Variants in ZZZ3 observed in about 807,000 individuals in gnomAD.
The protein encoded by ZZZ3 is ZZ-type zinc finger-containing protein 3.
ZZZ3 carries 22 observed loss-of-function variants against 95.2 expected under a neutral mutation model. The ratio of observed to expected loss-of-function variants is 0.23; its 90% CI spans 0.17 to 0.33. The LOEUF (loss-of-function observed/expected upper bound fraction) is 0.33. Among genes scored for constraint, ZZZ3 ranks in the 10% least tolerant of loss-of-function variants. The probability of loss-of-function intolerance (pLI) is 1.00; values close to 1 mark genes in which losing one functional copy is unlikely to be tolerated. For missense variants in ZZZ3, 885 were observed against 1,066.5 expected, an observed-to-expected ratio of 0.83 and a Z score of 2.37; for synonymous variants, 335 against 358.9, an observed-to-expected ratio of 0.93 and a Z score of 0.75.
Position 77,573,182 on chromosome 1 carries a change from C to T in ZZZ3, c.2331+2886G>A, listed in dbSNP as rs529559287. 4.5e-4 allele frequency among the ~76,000 whole-genome samples: 69 copies of T among 152,262 alleles called. 2 individuals are homozygous for T. In the South Asian group the frequency reaches 0.013, roughly 29 times the overall value. The stretch of plus-strand genomic sequence containing the variant: ...TTGCCCAGGCTGGAGTGCAGTGGTG[C>T]AATCCCAGCTCCTGGCAACCTCTGC... On this transcript the variant is annotated intron_variant, in intron 12 of 14. Coordinates refer to ENST00000370801, the MANE Select transcript of ZZZ3 (RefSeq NM_015534.6).
At chr1:77,646,199 ATTAGTC>A (rs1305547207) in intron 1 of ZZZ3, among the ~76,000 whole-genome samples, 1 of 151,880 alleles carries the variant, frequency 6.6e-6, no homozygotes, top group Non-Finnish European at 1.5e-5. Flanking sequence ...ATGCCTTCTA[ATTAGTC>A]TAAGTTTTTT....
intron 3 of ZZZ3, among the ~76,000 whole-genome samples, chr1:77,640,110 G>A (rs1386845718): frequency 6.6e-6 from 1 of 151,974 alleles, no homozygotes; most frequent in African/African-American, 2.4e-5. Context: ...GCTTATTCAA[G>A]TGCTACAAAA....
chr1:77,600,596 C>T (rs1264234867), intron 5 of ZZZ3, among the ~76,000 whole-genome samples: 1 of 152,050 alleles, frequency 6.6e-6, no homozygotes, highest in Non-Finnish European at 1.5e-5. Context: ...AGAAGTTCAA[C>T]AGAGACCAGG....
chr1:77,637,675 T>A (rs953632024), intron 4 of ZZZ3, among the ~76,000 whole-genome samples: 4 of 152,024 alleles, frequency 2.6e-5, no homozygotes, highest in African/African-American at 9.7e-5. Flanking sequence ...AAATAAAAAA[T>A]AAAAAGTCTG....
chr1:77,646,554 G>C (rs1669295506), intron 1 of ZZZ3, among the ~76,000 whole-genome samples: 1 of 152,038 alleles, frequency 6.6e-6, no homozygotes, highest in Admixed American at 6.6e-5. Flanking sequence ...CTTTAAAAAT[G>C]CATGCTCTAC....
chr1:77,635,253 T>A (rs1668191514), intron 4 of ZZZ3, among the ~76,000 whole-genome samples: 1 of 152,220 alleles, frequency 6.6e-6, no homozygotes, highest in South Asian at 2.1e-4. Flanking sequence ...TTTAGTGTTG[T>A]CTCAAAGTAT....
At chr1:77,598,273 C>T (rs901001427) in intron 5 of ZZZ3, among the ~76,000 whole-genome samples, 1 of 151,968 alleles carries the variant, frequency 6.6e-6, no homozygotes, top group African/African-American at 2.4e-5. Flanking sequence ...ATATGTTATT[C>T]AGAAAATCAT....
chr1:77,683,031 C>T (rs1304578280), upstream of ZZZ3, among the ~76,000 whole-genome samples: 20 of 147,946 alleles, frequency 1.4e-4, no homozygotes, highest in Non-Finnish European at 7.5e-5. Context: ...AAAAGCCCTC[C>T]CCGCCCCCCC....
chr1:77,618,951 C>T (rs947309310), intron 5 of ZZZ3, among the ~76,000 whole-genome samples: 1 of 152,122 alleles, frequency 6.6e-6, no homozygotes, highest in African/African-American at 2.4e-5. Context: ...TTCTGCTTTT[C>T]TAAATATATG....
intron 5 of ZZZ3, among the ~76,000 whole-genome samples, chr1:77,624,134 C>T (rs1667127218): frequency 6.6e-6 from 1 of 152,110 alleles, no homozygotes; most frequent in African/African-American, 2.4e-5. Context: ...GGGCATAGAG[C>T]TCCTAAAACT....
chr1:77,631,712 G>C, intron 5 of ZZZ3, 138 bp downstream of exon 5: 1 of 653,522 alleles, frequency 1.5e-6, no homozygotes, highest in Non-Finnish European at 2.4e-6. Flanking sequence ...TTTTCTAAGA[G>C]TTGAGAAAAT....
intron 5 of ZZZ3, among the ~76,000 whole-genome samples, chr1:77,597,422 T>C (rs969746428): frequency 1.3e-5 from 2 of 152,094 alleles, no homozygotes; most frequent in Admixed American, 6.6e-5. Flanking sequence ...TCCTTCAGTG[T>C]GGCCTGTGCA....
intron 5 of ZZZ3, among the ~76,000 whole-genome samples, chr1:77,587,287 G>C (rs2100589864): frequency 8.4e-6 from 1 of 118,638 alleles, no homozygotes; most frequent in East Asian, 2.6e-4. Flanking sequence ...TTTTGAGACA[G>C]AGTCTCGCTC....
Position 77,576,161 on chromosome 1 carries a change from G to A in ZZZ3, c.2238C>T (p.Phe746=). 1 of 1,613,668 alleles carries A rather than the reference G, an allele frequency of 6.2e-7. No homozygotes were observed. Among genetic ancestry groups the A allele is most frequent in the Non-Finnish European group, 8.5e-7 (1 of 1,179,882 alleles). Residue 746 remains phenylalanine, a synonymous_variant, in exon 12 of 15, where the codon TTC becomes TTT. Transcript: ENST00000370801. Reference sequence around the variant, plus strand: ...ACACTGGCGGTTCATGTGAAGTCATGAAAGTGGAAGGCTTAAAGAGATGCT... The same window carrying A: ...ACACTGGCGGTTCATGTGAAGTCATAAAAGTGGAAGGCTTAAAGAGATGCT... The part of the protein sequence containing the change: ...LNKHLFKPST[F]MTSHEPPVYM...
At chr1:77,608,699 T>C (rs1346173552) in intron 5 of ZZZ3, among the ~76,000 whole-genome samples, 1 of 152,050 alleles carries the variant, frequency 6.6e-6, no homozygotes, top group Non-Finnish European at 1.5e-5. Context: ...TTTCAAGACA[T>C]AGCACAAAAA....
intron 14 of ZZZ3, 35 bp from the exon 15 acceptor site, chr1:77,565,819 T>C (rs1660766876): frequency 6.3e-7 from 1 of 1,583,522 alleles, no homozygotes; most frequent in Non-Finnish European, 8.6e-7. Flanking sequence ...CATTACATGG[T>C]AGTGGATGCA....
In ZZZ3 at chr1:77,613,462, A is replaced by T. The variant is rs556602430; in HGVS notation, c.1505+18388T>A. 3.6e-3 allele frequency among the ~76,000 whole-genome samples: 393 copies of T among 108,382 alleles called. 2 individuals are homozygous for T. Among genetic ancestry groups the T allele is most frequent in the Non-Finnish European group, 5.4e-3 (299 of 54,914 alleles). The allele number at this position is 108,382 out of a possible 152,430, so 71.1% of individuals were successfully genotyped here. ...TTCTTCACTGCTATTCCACGCCTTT[A>T]AAAAAAAAAAAAAGCATCTATTTTT... On this transcript the variant is annotated intron_variant, in intron 5 of 14. Transcript: ENST00000370801.
chr1:77,631,769 T>C, intron 5 of ZZZ3, 81 bp downstream of exon 5: 4 of 1,188,454 alleles, frequency 3.4e-6, no homozygotes, highest in Non-Finnish European at 4.6e-6. Context: ...TTGGCTGTAA[T>C]AAAAACACTA....
At chr1:77,572,229 C>T (rs1489688047) in intron 12 of ZZZ3, among the ~76,000 whole-genome samples, 1 of 152,184 alleles carries the variant, frequency 6.6e-6, no homozygotes, top group African/African-American at 2.4e-5. Flanking sequence ...AACTCAACAA[C>T]AACAAAAATT....
Sources: gnomAD v4.1 joint callset for allele counts (sites outside exome capture counted in the v4.1 genomes callset) on GRCh38, gnomAD v4.1.1 for gene constraint, MANE v1.5 for transcripts, NCBI Gene and HGNC (gene_info 2026-07-23, HGNC 2026-07-21) for gene names.